HECW1: variants seen among roughly 807,000 people sequenced by gnomAD.
The protein encoded by HECW1 is HECT, C2 and WW domain containing E3 ubiquitin protein ligase 1.
In HECW1, 61 loss-of-function variants were observed where a neutral mutation model predicts 182.3. That is an observed-to-expected ratio of 0.33 (90% CI 0.27 to 0.41). HECW1 has a LOEUF of 0.41. HECW1 is among the 10% of genes least tolerant of loss of function. HECW1 has a pLI of 1.00. For missense variants in HECW1, 1,739 were observed against 2,108.9 expected, an observed-to-expected ratio of 0.82 and a Z score of 3.44; for synonymous variants, 859 against 832.6, an observed-to-expected ratio of 1.03 and a Z score of -0.55.
chr7:43,194,290 C>T (rs1391657704), intron 2 of HECW1: 1 of 152,112 alleles, frequency 6.6e-6, no homozygotes, highest in Non-Finnish European at 1.5e-5. Context: ...AGCATTTAAT[C>T]ACTAAAACTT....
At chr7:43,315,784 G>A (rs191905323) in intron 4 of HECW1, among the ~76,000 whole-genome samples, 14 of 152,254 alleles carry the variant, frequency 9.2e-5, no homozygotes, top group South Asian at 2.1e-4. Flanking sequence ...GTGATCCACC[G>A]CGCCTGGCCC....
intron 8 of HECW1, among the ~76,000 whole-genome samples, chr7:43,435,536 C>T (rs2076683086): frequency 6.6e-6 from 1 of 152,174 alleles, no homozygotes; most frequent in African/African-American, 2.4e-5. Context: ...TTTCTGTGGT[C>T]CATCTCCCAG....
intron 2 of HECW1, among the ~76,000 whole-genome samples, chr7:43,152,492 A>G (rs996908162): frequency 5.3e-5 from 8 of 152,182 alleles, no homozygotes; most frequent in African/African-American, 1.4e-4. Flanking sequence ...TCAGAGCATT[A>G]TATTGCTCTT....
intron 6 of HECW1, among the ~76,000 whole-genome samples, chr7:43,384,769 G>T (rs2074701100): frequency 6.6e-6 from 1 of 152,254 alleles, no homozygotes; most frequent in South Asian, 2.1e-4. Flanking sequence ...TTCCGTGAGA[G>T]GGAGTGGGTG....
At chr7:43,372,282 G>T (rs997214924) in intron 6 of HECW1, among the ~76,000 whole-genome samples, 1 of 152,160 alleles carries the variant, frequency 6.6e-6, no homozygotes, top group Non-Finnish European at 1.5e-5. Flanking sequence ...TGGGGGTGGG[G>T]TGTGCAGGAT....
At chr7:43,496,701 G>A (rs1015725196) in intron 19 of HECW1, among the ~76,000 whole-genome samples, 20 of 152,190 alleles carry the variant, frequency 1.3e-4, no homozygotes, top group African/African-American at 4.6e-4. Flanking sequence ...TGGAGTCTCT[G>A]TCTTGGGTCT....
intron 2 of HECW1, among the ~76,000 whole-genome samples, chr7:43,166,116 C>T (rs1791084108): frequency 6.6e-6 from 1 of 152,194 alleles, no homozygotes; most frequent in African/African-American, 2.4e-5. Flanking sequence ...CAGAGTTTCA[C>T]TCTTTCGCCC....
chr7:43,274,960 G>A (rs144746823), intron 3 of HECW1, among the ~76,000 whole-genome samples: 37 of 152,204 alleles, frequency 2.4e-4, no homozygotes, highest in African/African-American at 8.4e-4. Flanking sequence ...GTCCTGAGAC[G>A]GGCACTCAGT....
intron 2 of HECW1, among the ~76,000 whole-genome samples, chr7:43,233,713 G>GCCTA (rs768951556): frequency 6.6e-6 from 1 of 152,190 alleles, no homozygotes; most frequent in Non-Finnish European, 1.5e-5. Context: ...CCAGACCTCT[G>GCCTA]CCTACCTGCA....
At chr7:43,510,438 C>A (rs17208834) in intron 24 of HECW1, among the ~76,000 whole-genome samples, 21,180 of 152,194 alleles carry the variant, frequency 0.14, 1,942 homozygotes, top group Middle Eastern at 0.2. Context: ...GGAATACCTT[C>A]GCTAATTTAA....
chr7:43,501,297 CT>C lies in HECW1; in HGVS notation c.3607del (p.Cys1203ValfsTer65). ...GYSFSPRCSP[C>X]SSPQNSPGLQ... ...ATAGCTTCTCTCCCCGATGTTCACCCTGTTCTTCACCTCAGAACTCCCCAGG... is the reference window on the plus strand; with the variant it reads ...ATAGCTTCTCTCCCCGATGTTCACCCGTTCTTCACCTCAGAACTCCCCAGG... On this transcript the variant is annotated frameshift_variant, in exon 21 of 30. Coordinates refer to ENST00000395891, the MANE Select transcript of HECW1 (RefSeq NM_015052.5). LOFTEE classifies it high-confidence loss of function. 6.2e-7 allele frequency: 1 copy of C among 1,607,956 alleles called. No individual in the cohort carries two copies. The highest frequency in any genetic ancestry group is 8.5e-7 in the Non-Finnish European group (1 of 1,175,146).
intron 17 of HECW1, among the ~76,000 whole-genome samples, chr7:43,487,920 C>T (rs2078706116): frequency 6.6e-6 from 1 of 151,316 alleles, no homozygotes; most frequent in African/African-American, 2.4e-5. Flanking sequence ...AATTGCACCA[C>T]TACACTCCAG....
chr7:43,217,645 A>G (rs1416497341), intron 2 of HECW1, among the ~76,000 whole-genome samples: 6 of 152,210 alleles, frequency 3.9e-5, no homozygotes. Flanking sequence ...TAATAAGATT[A>G]TACAACAGAC....
chr7:43,420,502 G>T (rs1033446067), intron 8 of HECW1, among the ~76,000 whole-genome samples: 1 of 152,108 alleles, frequency 6.6e-6, no homozygotes, highest in East Asian at 1.9e-4. Context: ...AACAAATAAA[G>T]TATGTCAGCT....
chr7:43,382,094 G>A (rs1036755465), intron 6 of HECW1, among the ~76,000 whole-genome samples: 1 of 152,096 alleles, frequency 6.6e-6, no homozygotes, highest in Non-Finnish European at 1.5e-5. Flanking sequence ...AACCATCCTG[G>A]CTAACATGGT....
chr7:43,549,256 T>G (rs2081699155), intron 26 of HECW1, among the ~76,000 whole-genome samples: 1 of 152,176 alleles, frequency 6.6e-6, no homozygotes, highest in Non-Finnish European at 1.5e-5. Context: ...AATCAGACAT[T>G]CCAAAGAATA....
chr7:43,221,947 C>G (rs1029034662), intron 2 of HECW1, among the ~76,000 whole-genome samples: 2 of 152,130 alleles, frequency 1.3e-5, no homozygotes, highest in African/African-American at 4.8e-5. Flanking sequence ...CCTCGTTACT[C>G]AAAATGTAGT....
chr7:43,547,510 G>A (rs2081609624), intron 26 of HECW1, among the ~76,000 whole-genome samples: 1 of 151,622 alleles, frequency 6.6e-6, no homozygotes, highest in Non-Finnish European at 1.5e-5. Context: ...TTGCGCCACT[G>A]CACTCCAGCC....
intron 3 of HECW1, among the ~76,000 whole-genome samples, chr7:43,296,727 A>G (rs547162160): frequency 6.6e-6 from 1 of 152,344 alleles, no homozygotes; most frequent in Non-Finnish European, 1.5e-5. Flanking sequence ...TCATTTAGAA[A>G]TGAACTGTTC....
Sources: allele counts gnomAD v4.1 joint callset (sites outside exome capture counted in the v4.1 genomes callset), GRCh38; gene constraint gnomAD v4.1.1; transcripts MANE v1.5; gene names NCBI Gene and HGNC (gene_info 2026-07-23, HGNC 2026-07-21).